GRM6: variants seen among roughly 807,000 people sequenced by gnomAD.
GRM6 encodes the protein glutamate metabotropic receptor 6.
A neutral mutation model predicts 78.4 loss-of-function variants in GRM6; 73 were observed. The ratio of observed to expected loss-of-function variants is 0.93; its 90% CI spans 0.77 to 1.13. The LOEUF (loss-of-function observed/expected upper bound fraction) is 1.13, where lower values mean the gene tolerates loss of function less well. Ranked by LOEUF, GRM6 falls within the 50% of genes most tolerant of loss-of-function variation. The probability of loss-of-function intolerance (pLI) is 0.00; values close to 1 mark genes in which losing one functional copy is unlikely to be tolerated. For synonymous variants in GRM6, 580 were observed against 555.0 expected, an observed-to-expected ratio of 1.05 and a Z score of -0.63; for missense variants, 1,251 against 1,256.4, an observed-to-expected ratio of 1.00 and a Z score of 0.07.
At position 178,985,485 on chromosome 5, in the gene GRM6, C is replaced by T. The variant is rs542148803; in HGVS notation, c.2124+645G>A. 569 of 341,502 alleles carry T rather than the reference C, an allele frequency of 1.7e-3. 5 individuals are homozygous for T. The highest frequency in any genetic ancestry group is 6.9e-3 in the South Asian group (308 of 44,652). The allele number at this position is 341,502 out of a possible 1,614,324, so 21.2% of individuals were successfully genotyped here. Reference sequence around the variant, plus strand: ...TTGGGAGGCCGAGGTGGGCGGATCACGAGGTCAGGAGATCGAGACCATCCT... The same window carrying T: ...TTGGGAGGCCGAGGTGGGCGGATCATGAGGTCAGGAGATCGAGACCATCCT... On this transcript the variant is annotated intron_variant, in intron 9 of 10. Transcript: ENST00000517717.
chr5:178,989,217 A>AAGCCC, intron 6 of GRM6, 48 bp downstream of exon 6: 3 of 954,818 alleles, frequency 3.1e-6, no homozygotes, highest in Non-Finnish European at 2.9e-6. Context: ...CCCCACCCTC[A>AAGCCC]CCACCCTCCC....
rs1267021663 is a variant in GRM6, at chr5:178,982,923, T to C, written c.2423A>G (p.Gln808Arg). 4 of 1,613,552 alleles carry C rather than the reference T, an allele frequency of 2.5e-6. No homozygotes were observed. The highest frequency in any genetic ancestry group is 2.2e-5 in the South Asian group (2 of 91,078). The change falls in exon 10 of 11, where the codon CAG becomes CGG. Residue 808 changes from glutamine (Q) to arginine (R), a missense_variant. Transcript: ENST00000517717. Reference sequence around the variant, plus strand: ...GGACCTCATTACCTTTTCAGCTGACTGGGCAGTGCCAAAGAAGATGGGCAC... The same window carrying C: ...GGACCTCATTACCTTTTCAGCTGACCGGGCAGTGCCAAAGAAGATGGGCAC... ...AFVPIFFGTA[Q>R]SAEKIYIQTT... is the part of the protein sequence containing the mutation.
chr5:178,987,229 GA>G, intron 7 of GRM6: 3 of 656,880 alleles, frequency 4.6e-6, no homozygotes, highest in East Asian at 3.0e-5. Flanking sequence ...CGGTGGGTGG[GA>G]AAAGGCTGCA....
chr5:178,979,517 C>T lies in GRM6; in HGVS notation c.*2140G>A, dbSNP rs1194173444. 1 of 152,222 alleles carries T rather than the reference C, an allele frequency of 6.6e-6. No individual in the cohort carries two copies. Among genetic ancestry groups the T allele is most frequent in the African/African-American group, 2.4e-5 (1 of 41,450 alleles). The allele number at this position is 152,222 out of a possible 1,614,324, so 9.4% of individuals were successfully genotyped here. A position where few individuals can be genotyped will look rare whatever the true frequency, so the allele number is the denominator to read the frequency against. ...TGGGCCTCGCGGTGCATCAGAGTTCCTGCCAGAGAGGCCCACAGGCATGAA... is the reference window on the plus strand; with the variant it reads ...TGGGCCTCGCGGTGCATCAGAGTTCTTGCCAGAGAGGCCCACAGGCATGAA... On this transcript the variant is annotated 3_prime_UTR_variant, in exon 11 of 11. Coordinates refer to ENST00000517717, the MANE Select transcript of GRM6 (RefSeq NM_000843.4).
At chr5:178,985,716 A>AAC (rs1561717086) in intron 9 of GRM6, 3 of 410,640 alleles carry the variant, frequency 7.3e-6, no homozygotes, top group African/African-American at 6.9e-5. Flanking sequence ...AAAAAAAAAC[A>AAC]AAACAACACA....
rs1419288852 is a variant in GRM6, at chr5:178,994,580, T to TCGCCGC, written c.359_364dup (p.Gly121_Asp122insGlyGly). ...GCAGCGCACGCCCACCTCGTCGCCGTCGCCGCGGCCGCGGATCAGCGCCTG... is the reference window on the plus strand; with the variant it reads ...GCAGCGCACGCCCACCTCGTCGCCGTCGCCGCCGCCGCGGCCGCGGATCAGCGCCTG... On this transcript the variant is annotated inframe_insertion, in exon 2 of 11. Coordinates refer to ENST00000517717, the MANE Select transcript of GRM6 (RefSeq NM_000843.4). 7.5e-7 allele frequency: 1 copy of TCGCCGC among 1,335,572 alleles called. No homozygotes were observed. The highest frequency in any genetic ancestry group is 1.5e-5 in the African/African-American group (1 of 65,182). The allele number at this position is 1,335,572 out of a possible 1,614,324, so 82.7% of individuals were successfully genotyped here. A position where few individuals can be genotyped will look rare whatever the true frequency, so the allele number is the denominator to read the frequency against.
rs572106975 is a variant in GRM6, at chr5:178,985,458, C to T, written c.2124+672G>A. Among the ~76,000 whole-genome samples, 53 of 151,276 alleles carry T rather than the reference C, an allele frequency of 3.5e-4. 1 individual carries two copies. In the South Asian group the frequency reaches 9.0e-3, roughly 26 times the overall value. ...GCGGCTCCCGCCTGTCATCCCAGCACTTTGGGAGGCCGAGGTGGGCGGATC... is the reference window on the plus strand; with the variant it reads ...GCGGCTCCCGCCTGTCATCCCAGCATTTTGGGAGGCCGAGGTGGGCGGATC... On this transcript the variant is annotated intron_variant, in intron 9 of 10. Transcript: ENST00000517717.
At chr5:178,987,048 C>A (rs1760581860) in intron 7 of GRM6, 65 bp from the exon 8 acceptor site, 2 of 1,529,570 alleles carry the variant, frequency 1.3e-6, no homozygotes, top group African/African-American at 1.4e-5. Context: ...CCTGGGGAGG[C>A]CCCAGGGACC....
rs954116635 is a variant in GRM6 at position 178,979,913 on chromosome 5, T to A, written c.*1744A>T. 3 of 154,336 alleles carry A rather than the reference T, an allele frequency of 1.9e-5. No individual in the cohort carries two copies. Among genetic ancestry groups the A allele is most frequent in the African/African-American group, 7.2e-5 (3 of 41,460 alleles). The allele number at this position is 154,336 out of a possible 1,614,324, so 9.6% of individuals were successfully genotyped here. On this transcript the variant is annotated 3_prime_UTR_variant, in exon 11 of 11. Coordinates refer to ENST00000517717, the MANE Select transcript of GRM6 (RefSeq NM_000843.4). ...GCAAGAAAACACGCCCCATTACCCA[T>A]GAGAGAGCTGCACAGGAGAGAAACC...
intron 5 of GRM6, 23 bp downstream of exon 5, chr5:178,990,569 G>C (rs745790015): frequency 1.3e-6 from 2 of 1,599,968 alleles, no homozygotes; most frequent in Non-Finnish European, 1.7e-6. Flanking sequence ...GTGGGGTGGG[G>C]GATGGAGTGC....
Position 178,991,306 on chromosome 5 carries a change from G to GT in GRM6, c.857+117_857+118insA. On this transcript the variant is annotated intron_variant, in intron 4 of 10. Transcript: ENST00000517717. The surrounding 1 kb of genome is among the most constrained non-coding windows in gnomAD (Gnocchi z 5.0). The stretch of plus-strand genomic sequence containing the variant: ...AGAGGCAGCAGCAGGGAAGGTGGGG[G>GT]GTGCGGGGAGCAGGGGAAAGGGAGG... 9.8e-7 allele frequency: 1 copy of GT among 1,024,134 alleles called. No homozygotes were observed. The highest frequency in any genetic ancestry group is 1.5e-6 in the Non-Finnish European group (1 of 654,524). The allele number at this position is 1,024,134 out of a possible 1,614,324, so 63.4% of individuals were successfully genotyped here.
chr5:178,982,574 C>G (rs1427295457), intron 10 of GRM6, among the ~76,000 whole-genome samples: 2 of 23,210 alleles, frequency 8.6e-5, no homozygotes, highest in Admixed American at 9.6e-4. Context: ...GAGACTCTGT[C>G]TCAAAAAAAA....
Position 178,991,458 on chromosome 5 carries a change from C to T in GRM6, c.823G>A (p.Gly275Ser), listed in dbSNP as rs1406422220. 6.2e-6 allele frequency: 10 copies of T among 1,613,970 alleles called. No homozygotes were observed. The South Asian group carries it at 9.9e-5, about 16-fold the overall frequency. The change falls in exon 4 of 11, where the codon GGC becomes AGC. Residue 275 changes from glycine (G) to serine (S), a missense_variant. By Grantham distance (56) the Gly-to-Ser change is moderately conservative (BLOSUM62 0). Coordinates refer to ENST00000517717, the MANE Select transcript of GRM6 (RefSeq NM_000843.4). This position sits in a 1 kb window ranked among gnomAD's most constrained non-coding sequence, Gnocchi z 5.0. ...RRLMETPNAR[G>S]IIIFANEDDI... is the part of the protein sequence containing the mutation. Reference sequence around the variant, plus strand: ...TCCTCATTGGCAAAGATGATGATGCCCCGGGCGTTGGGCGTCTCCATGAGT... The same window carrying T: ...TCCTCATTGGCAAAGATGATGATGCTCCGGGCGTTGGGCGTCTCCATGAGT...
intron 9 of GRM6, among the ~76,000 whole-genome samples, chr5:178,984,746 C>T (rs138844435): frequency 4.1e-4 from 62 of 152,246 alleles, no homozygotes; most frequent in Admixed American, 7.2e-4. Context: ...CTCCTAGTCA[C>T]GGAGAACTGC....
chr5:178,988,821 T>A lies in GRM6; in HGVS notation c.1354+114A>T. 8.4e-6 allele frequency: 7 copies of A among 831,020 alleles called. No homozygotes were observed. The highest frequency in any genetic ancestry group is 1.2e-5 in the Non-Finnish European group (6 of 504,188). The allele number at this position is 831,020 out of a possible 1,614,324, so 51.5% of individuals were successfully genotyped here. Reference sequence around the variant, plus strand: ...TGGCACTCAGCCCCAGGCACCCCCATTAGACCACTCAGCCTCACCCAGCCC... The same window carrying A: ...TGGCACTCAGCCCCAGGCACCCCCAATAGACCACTCAGCCTCACCCAGCCC... On this transcript the variant is annotated intron_variant, in intron 7 of 10. Coordinates refer to ENST00000517717, the MANE Select transcript of GRM6 (RefSeq NM_000843.4). This position sits in a 1 kb window ranked among gnomAD's most constrained non-coding sequence, Gnocchi z 6.0.
Position 178,991,731 on chromosome 5 carries a change from C to T in GRM6, c.721+136G>A, listed in dbSNP as rs561933289. On this transcript the variant is annotated intron_variant, in intron 3 of 10. Coordinates refer to ENST00000517717, the MANE Select transcript of GRM6 (RefSeq NM_000843.4). This position sits in a 1 kb window ranked among gnomAD's most constrained non-coding sequence, Gnocchi z 5.0. ...TGAGTCGTCCAAAACAAAGAGGTCC[C>T]GCCCACATGGAGCACCAGCCAGGCA... The T allele has an allele frequency of 1.1e-4, 124 of 1,112,998 alleles. No individual in the cohort carries two copies. The highest frequency in any genetic ancestry group is 1.5e-4 in the Non-Finnish European group (108 of 741,762). 68.9% of individuals were successfully genotyped at this position (1,112,998 alleles called of 1,614,324 possible).
rs988097618 is a variant in GRM6 at position 178,978,640 on chromosome 5, G to A, written c.*3017C>T. ...ACTCTGCTTTAGAGCTCTCATCCCAGAGAGGAACACTGCAATTTTAATTGT... is the reference window on the plus strand; with the variant it reads ...ACTCTGCTTTAGAGCTCTCATCCCAAAGAGGAACACTGCAATTTTAATTGT... On this transcript the variant is annotated 3_prime_UTR_variant, in exon 11 of 11. Coordinates refer to ENST00000517717, the MANE Select transcript of GRM6 (RefSeq NM_000843.4). 3 of 152,194 alleles carry A rather than the reference G, an allele frequency of 2.0e-5. No individual in the cohort carries two copies. The highest frequency in any genetic ancestry group is 4.4e-5 in the Non-Finnish European group (3 of 68,034). The allele number at this position is 152,194 out of a possible 1,614,324, so 9.4% of individuals were successfully genotyped here. A position where few individuals can be genotyped will look rare whatever the true frequency, so the allele number is the denominator to read the frequency against.
rs62638213 is a variant in GRM6, at chr5:178,986,406, G to A, written c.1848C>T (p.Val616=). ...AGCTGAGCTCTCGGCCCGAGGCCCG[G>A]ACGATGGGCGTGTTGTTGTACCGCA... ...TFVRYNNTPI[V]RASGRELSYV... is the part of the protein sequence containing the mutation. Residue 616 remains valine, a synonymous_variant, in exon 9 of 11, where the codon GTC becomes GTT. Coordinates refer to ENST00000517717, the MANE Select transcript of GRM6 (RefSeq NM_000843.4). 8.3e-4 allele frequency: 1,344 copies of A among 1,613,794 alleles called. 4 individuals carry two copies. The highest frequency in any genetic ancestry group is 1.0e-3 in the Non-Finnish European group (1,209 of 1,179,994).
At chr5:178,989,204 C>CCGCA in intron 6 of GRM6, 61 bp downstream of exon 6, 2 of 298,968 alleles carry the variant, frequency 6.7e-6, no homozygotes, top group Non-Finnish European at 1.0e-5. Context: ...CCGCCTTCCC[C>CCGCA]CTCCCCACCC....
Sources: gnomAD v4.1 joint callset for allele counts (sites outside exome capture counted in the v4.1 genomes callset) on GRCh38, gnomAD v4.1.1 for gene constraint, Gnocchi (gnomAD v3.1) non-coding constraint, MANE v1.5 for transcripts, NCBI Gene and HGNC (gene_info 2026-07-23, HGNC 2026-07-21) for gene names.